Variants in ADGRL3 observed in about 807,000 individuals in gnomAD.
ADGRL3 encodes calcium-independent alpha-latrotoxin receptor 3.
ADGRL3 carries 62 observed loss-of-function variants against 153.5 expected under a neutral mutation model. The observed-to-expected ratio is 0.40, with a 90% CI of 0.33 to 0.50. The LOEUF is 0.50. Ranked by LOEUF, ADGRL3 falls within the 20% of genes least tolerant of loss-of-function variation. The probability of loss-of-function intolerance (pLI) is 0.47; values close to 1 mark genes in which losing one functional copy is unlikely to be tolerated. For missense variants in ADGRL3, 1,641 were observed against 1,859.4 expected (o/e 0.88, Z 2.16); for synonymous variants, 710 against 672.5 (o/e 1.06, Z -0.86).
chr4:61,621,168 A>G (rs1486268281), intron 5 of ADGRL3, among the ~76,000 whole-genome samples: 1 of 152,062 alleles, frequency 6.6e-6, no homozygotes, highest in African/African-American at 2.4e-5. Context: ...GTGTTTTTAT[A>G]TCCTTCTTTT....
intron 1 of ADGRL3, among the ~76,000 whole-genome samples, chr4:61,240,073 G>A (rs1374233688): frequency 2.6e-5 from 4 of 152,060 alleles, no homozygotes; most frequent in African/African-American, 9.7e-5. Flanking sequence ...CGCAGTTCTG[G>A]AGGCTGGGAA....
At chr4:61,372,275 A>G (rs988786129) in intron 1 of ADGRL3, among the ~76,000 whole-genome samples, 1 of 152,142 alleles carries the variant, frequency 6.6e-6, no homozygotes, top group African/African-American at 2.4e-5. Context: ...GCTGGTGAGG[A>G]ACTGCGTTCC....
In ADGRL3 at chr4:62,022,400, G is replaced by GT. The variant is rs1241858271; in HGVS notation, c.3396-6454dup. Among the ~76,000 whole-genome samples the GT allele has an allele frequency of 2.0e-5, 3 of 152,162 alleles. No individual in the cohort carries two copies. In the East Asian group the frequency reaches 5.8e-4, roughly 29 times the overall value. On this transcript the variant is annotated intron_variant, in intron 21 of 26. Coordinates refer to ENST00000683033, the MANE Select transcript of ADGRL3 (RefSeq NM_001387552.1). ...GCAAGATGAAGCAGAGAGTGCTGAT[G>GT]TAGAAGTTGCAGCAAATTATCCAGA...
At chr4:61,918,156 T>G (rs191313848) in intron 13 of ADGRL3, among the ~76,000 whole-genome samples, 1 of 152,098 alleles carries the variant, frequency 6.6e-6, no homozygotes, top group African/African-American at 2.4e-5. Context: ...TTTAAAAAAA[T>G]GAAATAAGAT....
At chr4:61,530,945 G>A (rs1252549533) in intron 4 of ADGRL3, among the ~76,000 whole-genome samples, 3 of 152,066 alleles carry the variant, frequency 2.0e-5, no homozygotes, top group South Asian at 2.1e-4. Context: ...AAATCCTTGA[G>A]GTAAGGACCT....
At chr4:61,520,107 G>T (rs1276150357) in intron 4 of ADGRL3, among the ~76,000 whole-genome samples, 1 of 152,076 alleles carries the variant, frequency 6.6e-6, no homozygotes, top group African/African-American at 2.4e-5. Flanking sequence ...TGAGTATTTG[G>T]ATTCATACAA....
chr4:62,033,306 G>T (rs1723187664), intron 23 of ADGRL3, among the ~76,000 whole-genome samples: 1 of 151,634 alleles, frequency 6.6e-6, no homozygotes, highest in African/African-American at 2.4e-5. Flanking sequence ...CACCTAAACT[G>T]CAAGGGAGAC....
At chr4:61,240,008 T>C (rs901048322) in intron 1 of ADGRL3, among the ~76,000 whole-genome samples, 1 of 152,140 alleles carries the variant, frequency 6.6e-6, no homozygotes, top group African/African-American at 2.4e-5. Context: ...AGTCCATTTG[T>C]TCTGCTTTAC....
chr4:61,969,046 A>G (rs1396921932), intron 17 of ADGRL3, among the ~76,000 whole-genome samples: 1 of 152,102 alleles, frequency 6.6e-6, no homozygotes, highest in Non-Finnish European at 1.5e-5. Context: ...ATATTGTAGC[A>G]CCATGATCAT....
At chr4:61,432,349 A>T (rs945216797) in intron 2 of ADGRL3, among the ~76,000 whole-genome samples, 1 of 152,194 alleles carries the variant, frequency 6.6e-6, no homozygotes. Context: ...CAGTTAGATT[A>T]CATATAAAGC....
intron 1 of ADGRL3, among the ~76,000 whole-genome samples, chr4:61,246,982 T>C (rs939653282): frequency 3.3e-5 from 5 of 152,078 alleles, no homozygotes; most frequent in Non-Finnish European, 4.4e-5. Context: ...AATTGAATGC[T>C]ACCACTTATG....
chr4:61,258,942 A>C (rs2092264107), intron 1 of ADGRL3, among the ~76,000 whole-genome samples: 1 of 152,232 alleles, frequency 6.6e-6, no homozygotes, highest in African/African-American at 2.4e-5. Context: ...ATATCAAAAT[A>C]AGAAGATACT....
intron 5 of ADGRL3, among the ~76,000 whole-genome samples, chr4:61,651,848 C>G (rs2094270666): frequency 6.7e-6 from 1 of 150,342 alleles, no homozygotes; most frequent in South Asian, 2.1e-4. Context: ...GATCTCCTGA[C>G]CTAGTGATCT....
chr4:61,523,508 A>G (rs1307736737), intron 4 of ADGRL3, among the ~76,000 whole-genome samples: 2 of 152,094 alleles, frequency 1.3e-5, no homozygotes, highest in African/African-American at 4.8e-5. Flanking sequence ...TCTAATTGAT[A>G]TGCATAATAC....
At chr4:61,403,718 G>A (rs1181707404) in intron 2 of ADGRL3, among the ~76,000 whole-genome samples, 5 of 151,958 alleles carry the variant, frequency 3.3e-5, no homozygotes, top group African/African-American at 9.7e-5. Context: ...GATTTGAAAC[G>A]GGTGTTTGAA....
chr4:61,402,120 C>G (rs1190536400), intron 2 of ADGRL3, among the ~76,000 whole-genome samples: 1 of 152,058 alleles, frequency 6.6e-6, no homozygotes, highest in Non-Finnish European at 1.5e-5. Context: ...TCCTCTTTGA[C>G]TTTCTTCAAC....
At chr4:61,870,802 G>A (rs1331727511) in intron 9 of ADGRL3, among the ~76,000 whole-genome samples, 1 of 152,252 alleles carries the variant, frequency 6.6e-6, no homozygotes, top group Middle Eastern at 3.4e-3. Flanking sequence ...TTAAGTGCTG[G>A]CCAGAATATG....
intron 8 of ADGRL3, among the ~76,000 whole-genome samples, chr4:61,805,017 G>A (rs945761359): frequency 2.7e-5 from 4 of 150,782 alleles, no homozygotes; most frequent in Non-Finnish European, 5.9e-5. Context: ...GTGCAGTGGG[G>A]CGATCTCGGC....
intron 9 of ADGRL3, among the ~76,000 whole-genome samples, chr4:61,828,288 C>T (rs1426686143): frequency 6.6e-6 from 1 of 152,004 alleles, no homozygotes; most frequent in African/African-American, 2.4e-5. Flanking sequence ...CATCCTAAGA[C>T]ACAACACAGA....
Sources: allele counts gnomAD v4.1 joint callset (sites outside exome capture counted in the v4.1 genomes callset), GRCh38; gene constraint gnomAD v4.1.1; transcripts MANE v1.5; gene names NCBI Gene and HGNC (gene_info 2026-07-23, HGNC 2026-07-21).